Variants in PEX5L observed in about 807,000 individuals in gnomAD.
PEX5L encodes the protein peroxisomal biogenesis factor 5 like.
A neutral mutation model predicts 84.0 loss-of-function variants in PEX5L; 30 were observed. The ratio of observed to expected loss-of-function variants is 0.36; its 90% CI spans 0.27 to 0.48. The LOEUF (loss-of-function observed/expected upper bound fraction) is 0.48, where lower values mean the gene tolerates loss of function less well. Ranked by LOEUF, PEX5L falls within the 20% of genes least tolerant of loss-of-function variation. The probability of loss-of-function intolerance (pLI) is 0.99; values close to 1 mark genes in which losing one functional copy is unlikely to be tolerated. For synonymous variants in PEX5L, 270 were observed against 283.1 expected, an observed-to-expected ratio of 0.95 and a Z score of 0.46; for missense variants, 533 against 754.6, an observed-to-expected ratio of 0.71 and a Z score of 3.44.
chr3:179,850,062 G>A (rs185296722), intron 8 of PEX5L, among the ~76,000 whole-genome samples: 14 of 152,166 alleles, frequency 9.2e-5, no homozygotes, highest in Non-Finnish European at 1.6e-4. Flanking sequence ...GAGATAGACT[G>A]TAAATCCCTC....
chr3:179,860,683 G>A (rs1745772369), intron 7 of PEX5L, among the ~76,000 whole-genome samples: 1 of 152,160 alleles, frequency 6.6e-6, no homozygotes, highest in Non-Finnish European at 1.5e-5. Context: ...CTTCTATTGT[G>A]ACACGATAGT....
chr3:179,906,423 T>G (rs1343283054), intron 2 of PEX5L, among the ~76,000 whole-genome samples: 5 of 152,216 alleles, frequency 3.3e-5, no homozygotes, highest in African/African-American at 9.6e-5. Flanking sequence ...ATTATACACC[T>G]GCAAGCAACT....
At chr3:179,871,100 CTTT>C (rs397801213) in intron 7 of PEX5L, among the ~76,000 whole-genome samples, 7 of 95,022 alleles carry the variant, frequency 7.4e-5, no homozygotes, top group Non-Finnish European at 8.3e-5. Flanking sequence ...TTGAGTTATA[CTTT>C]TTTTTTTTTT....
intron 2 of PEX5L, among the ~76,000 whole-genome samples, chr3:179,952,704 C>A (rs1401315865): frequency 6.6e-6 from 1 of 152,062 alleles, no homozygotes; most frequent in East Asian, 1.9e-4. Context: ...TCAATGCTAT[C>A]CCCATCAAGC....
At chr3:179,997,310 T>C (rs946361260) in intron 1 of PEX5L, among the ~76,000 whole-genome samples, 2 of 152,172 alleles carry the variant, frequency 1.3e-5, no homozygotes, top group African/African-American at 2.4e-5. Flanking sequence ...TAGGGGCTTA[T>C]GGAGGTCAGG....
At chr3:179,904,727 C>A (rs1324900195) in intron 2 of PEX5L, among the ~76,000 whole-genome samples, 1 of 152,144 alleles carries the variant, frequency 6.6e-6, no homozygotes, top group African/African-American at 2.4e-5. Context: ...GAAGTTAAAT[C>A]ATTTTCGTGG....
intron 2 of PEX5L, among the ~76,000 whole-genome samples, chr3:179,908,346 G>GA (rs2109147788): frequency 6.6e-6 from 1 of 152,326 alleles, no homozygotes; most frequent in African/African-American, 2.4e-5. Flanking sequence ...CAGTGGAGGA[G>GA]AAAGTAGGAA....
chr3:180,015,747 C>T (rs911944957), intron 1 of PEX5L, among the ~76,000 whole-genome samples: 2 of 151,480 alleles, frequency 1.3e-5, no homozygotes, highest in African/African-American at 4.9e-5. Flanking sequence ...GGAAGCCAAG[C>T]TATAGAGAAG....
chr3:179,927,956 G>T (rs1254581767), intron 2 of PEX5L, among the ~76,000 whole-genome samples: 2 of 152,072 alleles, frequency 1.3e-5, no homozygotes, highest in Non-Finnish European at 2.9e-5. Flanking sequence ...TATTATTAAT[G>T]AAGTATATAT....
At chr3:179,955,083 A>G (rs1780149100) in intron 2 of PEX5L, among the ~76,000 whole-genome samples, 1 of 152,152 alleles carries the variant, frequency 6.6e-6, no homozygotes, top group Non-Finnish European at 1.5e-5. Context: ...GGCTTCCCCA[A>G]GAACTTTAAA....
intron 8 of PEX5L, among the ~76,000 whole-genome samples, chr3:179,854,043 G>T (rs1742967726): frequency 7.1e-6 from 1 of 140,554 alleles, no homozygotes; most frequent in Non-Finnish European, 1.6e-5. Flanking sequence ...AAACTCCTGG[G>T]CTCAGGCAAT....
chr3:179,892,177 C>A (rs1310596230), intron 3 of PEX5L, among the ~76,000 whole-genome samples: 1 of 152,104 alleles, frequency 6.6e-6, no homozygotes, highest in East Asian at 1.9e-4. Context: ...GTTGCTAAGG[C>A]CTTTGTCTCA....
At chr3:180,019,585 C>T (rs1209579431) in intron 1 of PEX5L, among the ~76,000 whole-genome samples, 1 of 152,148 alleles carries the variant, frequency 6.6e-6, no homozygotes. Flanking sequence ...TTTCCTCCTT[C>T]AATTCTCTCT....
At chr3:179,822,892 C>T (rs1434080605) in intron 8 of PEX5L, among the ~76,000 whole-genome samples, 2 of 152,182 alleles carry the variant, frequency 1.3e-5, no homozygotes, top group Non-Finnish European at 2.9e-5. Context: ...CAGCTTTCCC[C>T]TTGGATGGAC....
In PEX5L at chr3:179,800,331, A is replaced by G. The variant is rs1243027244; in HGVS notation, c.*1497T>C. The G allele has an allele frequency of 1.3e-5, 2 of 152,214 alleles. No individual in the cohort carries two copies. Among genetic ancestry groups the G allele is most frequent in the Admixed American group, 6.5e-5 (1 of 15,278 alleles). The allele number at this position is 152,214 out of a possible 1,614,324, so 9.4% of individuals were successfully genotyped here. A position where few individuals can be genotyped will look rare whatever the true frequency, so the allele number is the denominator to read the frequency against. On this transcript the variant is annotated 3_prime_UTR_variant, in exon 15 of 15. Coordinates refer to ENST00000467460, the MANE Select transcript of PEX5L (RefSeq NM_016559.3). ...GGATGAGCTATTATTATCAAAGAAC[A>G]TAAATAAAAAGTTGTTAGGATTAGC...
At chr3:180,009,944 T>G (rs998769773) in intron 1 of PEX5L, among the ~76,000 whole-genome samples, 1 of 151,982 alleles carries the variant, frequency 6.6e-6, no homozygotes, top group Non-Finnish European at 1.5e-5. Flanking sequence ...AGACTTTTAT[T>G]TATTTATTTA....
At chr3:179,891,353 A>G (rs1757566731) in intron 3 of PEX5L, among the ~76,000 whole-genome samples, 1 of 152,158 alleles carries the variant, frequency 6.6e-6, no homozygotes, top group Non-Finnish European at 1.5e-5. Context: ...CAATTTAGCT[A>G]TTGAGAAATG....
chr3:179,900,679 G>A (rs1300806613), intron 2 of PEX5L: 3 of 1,534,652 alleles, frequency 2.0e-6, no homozygotes, highest in East Asian at 2.4e-5. Context: ...CCAAAGCCAG[G>A]GTCAGGTCAC....
At chr3:179,944,586 C>G (rs1162576989) in intron 2 of PEX5L, among the ~76,000 whole-genome samples, 1 of 152,194 alleles carries the variant, frequency 6.6e-6, no homozygotes, top group Non-Finnish European at 1.5e-5. Flanking sequence ...TCCTCCAGTT[C>G]AATAAATGTC....
Sources: allele counts gnomAD v4.1 joint callset (sites outside exome capture counted in the v4.1 genomes callset), GRCh38; gene constraint gnomAD v4.1.1; transcripts MANE v1.5; gene names NCBI Gene and HGNC (gene_info 2026-07-23, HGNC 2026-07-21).